Variants in RIMBP2 observed in about 807,000 individuals in gnomAD.
The protein encoded by RIMBP2 is RIMS-binding protein 2.
A neutral mutation model predicts 118.6 loss-of-function variants in RIMBP2; 48 were observed. The observed-to-expected ratio is 0.40, with a 90% CI of 0.32 to 0.51. The LOEUF (loss-of-function observed/expected upper bound fraction) is 0.51. Ranked by LOEUF, RIMBP2 falls within the 20% of genes least tolerant of loss-of-function variation. RIMBP2 has a pLI of 0.41. For synonymous variants in RIMBP2, 762 were observed against 742.9 expected, an observed-to-expected ratio of 1.03 and a Z score of -0.42; for missense variants, 1,551 against 1,768.3, an observed-to-expected ratio of 0.88 and a Z score of 2.20.
intron 2 of RIMBP2, among the ~76,000 whole-genome samples, chr12:130,589,168 C>T (rs934096321): frequency 1.3e-5 from 2 of 152,168 alleles, no homozygotes; most frequent in African/African-American, 2.4e-5. Flanking sequence ...TGTAATAATC[C>T]TTTTCAGGAA....
chr12:130,715,286 C>T (rs1950248850), intron 1 of RIMBP2, among the ~76,000 whole-genome samples: 1 of 152,146 alleles, frequency 6.6e-6, no homozygotes, highest in Non-Finnish European at 1.5e-5. Context: ...GCCACGCAGG[C>T]ACGGAGCCAG....
intron 17 of RIMBP2, among the ~76,000 whole-genome samples, chr12:130,416,077 A>C (rs1400794944): frequency 6.6e-6 from 1 of 152,216 alleles, no homozygotes; most frequent in Non-Finnish European, 1.5e-5. Context: ...TGCTGAGAGA[A>C]GTCATAGATC....
intron 2 of RIMBP2, among the ~76,000 whole-genome samples, chr12:130,535,755 A>ATATG (rs1566218265): frequency 2.3e-5 from 1 of 43,894 alleles, no homozygotes; most frequent in African/African-American, 6.3e-5. Context: ...ATATATATAT[A>ATATG]TATATATATA....
Position 130,688,898 on chromosome 12 carries a change from C to G in RIMBP2, c.-352+27324G>C, listed in dbSNP as rs1460762231. Among the ~76,000 whole-genome samples the G allele has an allele frequency of 1.3e-5, 2 of 152,254 alleles. No individual in the cohort carries two copies. Among genetic ancestry groups the G allele is most frequent in the Non-Finnish European group, 2.9e-5 (2 of 68,052 alleles). ...TCACGTTGCCTGAGGCAGCCCACCCCACTCTTGCCCAGCAGAACTGGAGCG... is the reference window on the plus strand; with the variant it reads ...TCACGTTGCCTGAGGCAGCCCACCCGACTCTTGCCCAGCAGAACTGGAGCG... On this transcript the variant is annotated intron_variant, in intron 1 of 22. Transcript: ENST00000690449. This position sits in a 1 kb window ranked among gnomAD's most constrained non-coding sequence, Gnocchi z 4.7.
intron 1 of RIMBP2, among the ~76,000 whole-genome samples, chr12:130,686,112 G>A (rs2136605941): frequency 6.6e-6 from 1 of 152,266 alleles, no homozygotes; most frequent in East Asian, 1.9e-4. Context: ...TCCCTTTAAA[G>A]GGAAAACCCA....
At chr12:130,646,137 C>G (rs1449505716) in intron 1 of RIMBP2, among the ~76,000 whole-genome samples, 105 of 99,098 alleles carry the variant, frequency 1.1e-3, no homozygotes, top group Non-Finnish European at 1.5e-3. Flanking sequence ...CTCTCCACCT[C>G]CCTCACCACC....
At chr12:130,465,069 T>A (rs1175872505) in intron 6 of RIMBP2, 3 of 152,266 alleles carry the variant, frequency 2.0e-5, no homozygotes, top group Non-Finnish European at 4.4e-5. Flanking sequence ...GATTATTTTA[T>A]GGAGGAAGGG....
chr12:130,693,554 GA>G (rs2065433617), intron 1 of RIMBP2, among the ~76,000 whole-genome samples: 1 of 152,204 alleles, frequency 6.6e-6, no homozygotes, highest in African/African-American at 2.4e-5. Context: ...TCTCAGGCCA[GA>G]AAGTAAATGT....
At chr12:130,614,056 C>A (rs2060743376) in intron 2 of RIMBP2, among the ~76,000 whole-genome samples, 1 of 152,190 alleles carries the variant, frequency 6.6e-6, no homozygotes, top group South Asian at 2.1e-4. Flanking sequence ...TTAGCAGGTT[C>A]TATTGTTACT....
intron 2 of RIMBP2, among the ~76,000 whole-genome samples, chr12:130,603,977 T>G (rs2129663): frequency 0.82 from 124,191 of 152,068 alleles, 50,830 homozygotes; most frequent in South Asian, 0.87. Flanking sequence ...CTTCCAGAAA[T>G]TATCCAGAAG....
chr12:130,597,784 C>A (rs970059068), intron 2 of RIMBP2, among the ~76,000 whole-genome samples: 1 of 152,204 alleles, frequency 6.6e-6, no homozygotes, highest in African/African-American at 2.4e-5. Flanking sequence ...CAATTAACAA[C>A]CTTAAGGTAA....
At chr12:130,642,408 C>A (rs2062664731) in intron 1 of RIMBP2, among the ~76,000 whole-genome samples, 2 of 152,322 alleles carry the variant, frequency 1.3e-5, no homozygotes, top group South Asian at 4.1e-4. Flanking sequence ...CCTCAGCCTC[C>A]TGAGTAGCTG....
chr12:130,583,895 A>T (rs1026208482), intron 2 of RIMBP2, among the ~76,000 whole-genome samples: 1 of 147,906 alleles, frequency 6.8e-6, no homozygotes, highest in Admixed American at 6.7e-5. Context: ...TCACCTCATC[A>T]CCATGACATC....
rs68125491 is a variant in RIMBP2 at position 130,651,885 on chromosome 12, TAAA to T, written c.-351-23432_-351-23430del. ...TAGCTTTTGGAAAGCTTTTTGATGT[TAAA>T]AAAAAAATGTTTAGGAATTAAAAGC... On this transcript the variant is annotated intron_variant, in intron 1 of 22. Coordinates refer to ENST00000690449, the MANE Select transcript of RIMBP2 (RefSeq NM_001393629.1). Among the ~76,000 whole-genome samples the T allele has an allele frequency of 1.0e-3, 158 of 150,632 alleles. 1 individual carries two copies. The highest frequency in any genetic ancestry group is 6.9e-3 in the South Asian group (33 of 4,774).
chr12:130,414,062 G>T, intron 18 of RIMBP2, 63 bp downstream of exon 18: 3 of 1,532,932 alleles, frequency 2.0e-6, no homozygotes, highest in South Asian at 2.3e-5. Flanking sequence ...GCCAGTCTCT[G>T]CCCCCATGAC....
intron 1 of RIMBP2, among the ~76,000 whole-genome samples, chr12:130,692,386 G>A (rs1332648606): frequency 6.6e-6 from 1 of 151,970 alleles, no homozygotes; most frequent in Non-Finnish European, 1.5e-5. Context: ...TTAATTGCCT[G>A]GTTTGAGCAA....
chr12:130,640,064 G>A (rs2062547071), intron 1 of RIMBP2, among the ~76,000 whole-genome samples: 3 of 152,122 alleles, frequency 2.0e-5, no homozygotes, highest in South Asian at 2.1e-4. Flanking sequence ...AGGCTGCACA[G>A]GTCATGCCTG....
chr12:130,453,435 G>A (rs1033277166), intron 7 of RIMBP2, among the ~76,000 whole-genome samples: 2 of 152,358 alleles, frequency 1.3e-5, no homozygotes, highest in Middle Eastern at 3.4e-3. Context: ...GTCAGTGTGG[G>A]AAGATCTGCG....
At chr12:130,641,809 G>A (rs1273716040) in intron 1 of RIMBP2, among the ~76,000 whole-genome samples, 1 of 152,128 alleles carries the variant, frequency 6.6e-6, no homozygotes, top group East Asian at 1.9e-4. Flanking sequence ...GGTCAACACA[G>A]CAAGGGGTGC....
Sources: allele counts gnomAD v4.1 joint callset (sites outside exome capture counted in the v4.1 genomes callset), GRCh38; gene constraint gnomAD v4.1.1; non-coding constraint Gnocchi (gnomAD v3.1); transcripts MANE v1.5; gene names NCBI Gene and HGNC (gene_info 2026-07-23, HGNC 2026-07-21).